MYO1E: variants seen among roughly 807,000 people sequenced by gnomAD.
MYO1E encodes the protein unconventional myosin-Ie.
MYO1E carries 68 observed loss-of-function variants against 151.1 expected under a neutral mutation model. The observed-to-expected ratio is 0.45, with a 90% CI of 0.37 to 0.55. The LOEUF (loss-of-function observed/expected upper bound fraction) is 0.55, where lower values mean the gene tolerates loss of function less well. MYO1E is among the 20% of genes least tolerant of loss of function. The pLI, the probability that MYO1E is intolerant of heterozygous loss-of-function variation, is 0.00. For synonymous variants in MYO1E, 601 were observed against 501.7 expected (o/e 1.20, Z -2.64); for missense variants, 1,363 against 1,389.3 (o/e 0.98, Z 0.30).
chr15:59,301,091 A>G (rs1445819647), intron 1 of MYO1E, among the ~76,000 whole-genome samples: 1 of 151,906 alleles, frequency 6.6e-6, no homozygotes, highest in Non-Finnish European at 1.5e-5. Flanking sequence ...TGGTCTTGAA[A>G]TCCTGACTTC....
intron 25 of MYO1E, among the ~76,000 whole-genome samples, chr15:59,157,282 TCA>T (rs2079514662): frequency 2.0e-5 from 3 of 152,166 alleles, no homozygotes; most frequent in East Asian, 1.9e-4. Context: ...TGTAATACTC[TCA>T]GATATTACTT....
intron 4 of MYO1E, among the ~76,000 whole-genome samples, chr15:59,244,872 A>G (rs1408645455): frequency 6.6e-6 from 1 of 152,222 alleles, no homozygotes; most frequent in Admixed American, 6.5e-5. Flanking sequence ...TATGGGTAAT[A>G]TATTAATTAG....
At chr15:59,207,153 G>C in intron 14 of MYO1E, 1 of 1,614,242 alleles carries the variant, frequency 6.2e-7, no homozygotes. Context: ...ATCACAGTAA[G>C]GTCTCCATCA....
chr15:59,340,786 G>C (rs2140428834), intron 1 of MYO1E, among the ~76,000 whole-genome samples: 1 of 152,092 alleles, frequency 6.6e-6, no homozygotes, highest in African/African-American at 2.4e-5. Context: ...CACTTTGGGA[G>C]GCTGAGGCGG....
chr15:59,337,545 G>A (rs904186102), intron 1 of MYO1E, among the ~76,000 whole-genome samples: 2 of 152,084 alleles, frequency 1.3e-5, no homozygotes, highest in South Asian at 2.1e-4. Flanking sequence ...AAAATATTTC[G>A]CTCGGCTGGG....
Position 59,239,753 on chromosome 15 carries a change from C to T in MYO1E, c.333-3081G>A, listed in dbSNP as rs543303891. Among the ~76,000 whole-genome samples the T allele has an allele frequency of 3.9e-3, 594 of 152,210 alleles. 2 individuals carry two copies. Among genetic ancestry groups the T allele is most frequent in the African/African-American group, 0.013 (535 of 41,526 alleles). ...TAATTAGTTCTCACTAAACATTGAT[C>T]GGAATTTTCATTACTTGGTTTCAAT... On this transcript the variant is annotated intron_variant, in intron 4 of 27. Coordinates refer to ENST00000288235, the MANE Select transcript of MYO1E (RefSeq NM_004998.4).
intron 17 of MYO1E, among the ~76,000 whole-genome samples, chr15:59,190,469 T>A (rs1438193155): frequency 6.6e-6 from 1 of 152,210 alleles, no homozygotes; most frequent in Non-Finnish European, 1.5e-5. Context: ...CCATTTCCAA[T>A]TAAGTCTCAT....
At chr15:59,189,320 A>G (rs1181139973) in intron 17 of MYO1E, among the ~76,000 whole-genome samples, 3 of 151,996 alleles carry the variant, frequency 2.0e-5, no homozygotes, top group African/African-American at 7.2e-5. Context: ...TAGCCTCCCA[A>G]AGTTCTGGGA....
chr15:59,214,783 C>A, intron 10 of MYO1E, 63 bp from the exon 11 acceptor site: 1 of 1,309,926 alleles, frequency 7.6e-7, no homozygotes, highest in Non-Finnish European at 1.1e-6. Context: ...CGGGCATGCA[C>A]TGGGGAAAGG....
chr15:59,214,875 A>G (rs779444638), intron 10 of MYO1E, among the ~76,000 whole-genome samples, 155 bp from the exon 11 acceptor site: 1 of 152,202 alleles, frequency 6.6e-6, no homozygotes, highest in Admixed American at 6.5e-5. Flanking sequence ...TGCTTTAACA[A>G]TCTCTCAGTC....
intron 1 of MYO1E, among the ~76,000 whole-genome samples, chr15:59,330,217 T>A (rs2080689958): frequency 1.3e-5 from 2 of 152,112 alleles, no homozygotes; most frequent in African/African-American, 4.8e-5. Context: ...AGAATTTTTT[T>A]AAGGTTAAGA....
intron 22 of MYO1E, among the ~76,000 whole-genome samples, chr15:59,169,715 T>C (rs900459207): frequency 1.3e-4 from 20 of 152,224 alleles, no homozygotes; most frequent in African/African-American, 3.9e-4. Context: ...CCATGACAGA[T>C]TATATCCCCA....
intron 23 of MYO1E, among the ~76,000 whole-genome samples, chr15:59,161,933 C>T (rs1448587322): frequency 4.6e-5 from 7 of 152,174 alleles, no homozygotes; most frequent in African/African-American, 1.7e-4. Flanking sequence ...AAGTTTCCCT[C>T]ATCATGATAT....
At chr15:59,295,683 C>T (rs1184246700) in intron 1 of MYO1E, among the ~76,000 whole-genome samples, 2 of 152,020 alleles carry the variant, frequency 1.3e-5, no homozygotes, top group African/African-American at 4.8e-5. Flanking sequence ...AGTCCTAAAA[C>T]AACTCTGCCA....
chr15:59,322,131 C>T (rs1662705753), intron 1 of MYO1E, among the ~76,000 whole-genome samples: 1 of 151,314 alleles, frequency 6.6e-6, no homozygotes, highest in Non-Finnish European at 1.5e-5. Context: ...GCCAAGTTCA[C>T]ACCACTGCAC....
chr15:59,181,095 C>T (rs1211295859), intron 18 of MYO1E, among the ~76,000 whole-genome samples: 7 of 152,036 alleles, frequency 4.6e-5, no homozygotes, highest in Non-Finnish European at 8.8e-5. Context: ...TCGGAGGACA[C>T]AAACATCCTG....
At chr15:59,173,620 G>A (rs1879375844) in intron 21 of MYO1E, 126 bp downstream of exon 21, 1 of 1,188,672 alleles carries the variant, frequency 8.4e-7, no homozygotes, top group Non-Finnish European at 1.2e-6. Context: ...TTGGTTTACT[G>A]TATTTTCTCT....
At chr15:59,279,568 T>C (rs1436914122) in intron 1 of MYO1E, among the ~76,000 whole-genome samples, 1 of 152,172 alleles carries the variant, frequency 6.6e-6, no homozygotes, top group African/African-American at 2.4e-5. Context: ...TCTTGGAGCC[T>C]GTCCCCTCCT....
chr15:59,183,037 G>T (rs1197488961), intron 18 of MYO1E, among the ~76,000 whole-genome samples: 3 of 152,194 alleles, frequency 2.0e-5, no homozygotes, highest in African/African-American at 7.2e-5. Context: ...TGATCTGACA[G>T]GAGGTGGGGC....
Sources: gnomAD v4.1 joint callset for allele counts (sites outside exome capture counted in the v4.1 genomes callset) on GRCh38, gnomAD v4.1.1 for gene constraint, MANE v1.5 for transcripts, NCBI Gene and HGNC (gene_info 2026-07-23, HGNC 2026-07-21) for gene names.